The following GMDS variants were observed in gnomAD, a reference collection of about 807,000 sequenced individuals.
GMDS encodes the protein GDP-mannose 4,6-dehydratase.
In GMDS, 20 loss-of-function variants were observed where a neutral mutation model predicts 49.9. That is an observed-to-expected ratio of 0.40 (90% CI 0.28 to 0.58). GMDS has a LOEUF of 0.58. GMDS is among the 20% of genes least tolerant of loss of function. The pLI is 0.42. For missense variants in GMDS, 362 were observed against 481.4 expected (o/e 0.75, Z 2.32); for synonymous variants, 177 against 178.6 (o/e 0.99, Z 0.07).
intron 4 of GMDS, among the ~76,000 whole-genome samples, chr6:1,990,063 A>G (rs1581473208): frequency 6.6e-6 from 1 of 152,218 alleles, no homozygotes; most frequent in East Asian, 1.9e-4. Context: ...TTGGGAGGCC[A>G]AGGCGGGTGG....
At chr6:2,009,283 A>G (rs917303527) in intron 4 of GMDS, among the ~76,000 whole-genome samples, 1 of 152,214 alleles carries the variant, frequency 6.6e-6, no homozygotes, top group African/African-American at 2.4e-5. Context: ...CTCAACAGTG[A>G]AACAGGCTCC....
chr6:2,238,049 T>C (rs756996580), intron 1 of GMDS, among the ~76,000 whole-genome samples: 8 of 152,144 alleles, frequency 5.3e-5, no homozygotes, highest in Admixed American at 5.2e-4. Flanking sequence ...CCTTTAGGAC[T>C]TGCCCACTCT....
chr6:1,800,951 G>T (rs1769925826), intron 7 of GMDS, among the ~76,000 whole-genome samples: 1 of 152,204 alleles, frequency 6.6e-6, no homozygotes, highest in Non-Finnish European at 1.5e-5. Flanking sequence ...GCGAACTCTG[G>T]TTATTGGTGA....
intron 7 of GMDS, among the ~76,000 whole-genome samples, chr6:1,762,405 A>T (rs754695951): frequency 2.6e-5 from 4 of 152,264 alleles, no homozygotes; most frequent in Non-Finnish European, 4.4e-5. Flanking sequence ...AGGAGTGAGC[A>T]GTCCCAGAGC....
At chr6:1,757,591 A>G (rs1014544942) in intron 7 of GMDS, among the ~76,000 whole-genome samples, 1 of 152,304 alleles carries the variant, frequency 6.6e-6, no homozygotes, top group Non-Finnish European at 1.5e-5. Flanking sequence ...CAAGCTAGTC[A>G]TCCTGAGCAC....
At chr6:1,998,493 A>C (rs1315304257) in intron 4 of GMDS, among the ~76,000 whole-genome samples, 2 of 152,208 alleles carry the variant, frequency 1.3e-5, no homozygotes, top group African/African-American at 4.8e-5. Flanking sequence ...TCTGAGGAAA[A>C]GGATTATAAC....
chr6:2,010,599 TGA>T (rs1767501002), intron 4 of GMDS, among the ~76,000 whole-genome samples: 1 of 151,994 alleles, frequency 6.6e-6, no homozygotes, highest in African/African-American at 2.4e-5. Context: ...AAACAAGAGC[TGA>T]AAAAATTCAC....
chr6:2,008,412 AAT>A (rs1420826855), intron 4 of GMDS, among the ~76,000 whole-genome samples: 1 of 152,184 alleles, frequency 6.6e-6, no homozygotes, highest in Non-Finnish European at 1.5e-5. Context: ...CTGTGGAGTT[AAT>A]ATGTTATGGC....
intron 4 of GMDS, among the ~76,000 whole-genome samples, chr6:2,072,227 G>A (rs554792024): frequency 6.6e-6 from 1 of 152,188 alleles, no homozygotes; most frequent in Non-Finnish European, 1.5e-5. Flanking sequence ...AAAAACTTTT[G>A]TTTCTACAAT....
chr6:2,082,180 A>G (rs919365934), intron 4 of GMDS, among the ~76,000 whole-genome samples: 9 of 152,158 alleles, frequency 5.9e-5, no homozygotes, highest in Non-Finnish European at 8.8e-5. Flanking sequence ...ACGTGTGCGC[A>G]CACACACACA....
rs13211678 is a variant in GMDS at position 1,897,988 on chromosome 6, C to G, written c.771+32115G>C. Among the ~76,000 whole-genome samples, 29 of 112,120 alleles carry G rather than the reference C, an allele frequency of 2.6e-4. 1 individual carries two copies. Among genetic ancestry groups the G allele is most frequent in the African/African-American group, 6.9e-4 (22 of 32,004 alleles). 73.6% of individuals were successfully genotyped at this position (112,120 alleles called of 152,430 possible). On this transcript the variant is annotated intron_variant, in intron 7 of 10. Coordinates refer to ENST00000380815, the MANE Select transcript of GMDS (RefSeq NM_001500.4). The stretch of plus-strand genomic sequence containing the variant: ...ATCCTGGACACCTACCCTGGCCTCC[C>G]TTGCCATCCTGGACACCTACCCTGG...
At chr6:1,706,235 G>T (rs926143676) in intron 9 of GMDS, among the ~76,000 whole-genome samples, 1 of 152,124 alleles carries the variant, frequency 6.6e-6, no homozygotes, top group Admixed American at 6.5e-5. Flanking sequence ...GCACCATCGC[G>T]GCACAGCTGA....
At chr6:1,984,214 C>T (rs1581463453) in intron 4 of GMDS, among the ~76,000 whole-genome samples, 1 of 152,064 alleles carries the variant, frequency 6.6e-6, no homozygotes, top group East Asian at 1.9e-4. Context: ...ACACTGGGGC[C>T]TGTCAGAGGG....
At chr6:1,803,844 A>G (rs1770052000) in intron 7 of GMDS, among the ~76,000 whole-genome samples, 1 of 152,140 alleles carries the variant, frequency 6.6e-6, no homozygotes, top group Non-Finnish European at 1.5e-5. Context: ...GTTCAGAAGT[A>G]AAAAATGGAC....
At chr6:2,021,987 A>T (rs1412070469) in intron 4 of GMDS, among the ~76,000 whole-genome samples, 1 of 152,200 alleles carries the variant, frequency 6.6e-6, no homozygotes, top group Non-Finnish European at 1.5e-5. Context: ...CCTTTGTGTA[A>T]TCCTAATAAG....
At chr6:2,242,568 GCCC>G (rs1781660774) in intron 1 of GMDS, among the ~76,000 whole-genome samples, 1 of 152,222 alleles carries the variant, frequency 6.6e-6, no homozygotes, top group East Asian at 1.9e-4. Context: ...TGCCATGATA[GCCC>G]CAAGTGCCAG....
intron 1 of GMDS, among the ~76,000 whole-genome samples, chr6:2,130,753 T>C (rs1338108448): frequency 1.3e-5 from 2 of 151,368 alleles, no homozygotes; most frequent in Non-Finnish European, 3.0e-5. Context: ...ATTAGTTTGA[T>C]AAGAAAAAAA....
chr6:1,733,160 A>G (rs1025109756), intron 8 of GMDS, among the ~76,000 whole-genome samples: 1 of 152,208 alleles, frequency 6.6e-6, no homozygotes, highest in Non-Finnish European at 1.5e-5. Flanking sequence ...CTGCACCACC[A>G]CAGAAGCCAC....
intron 1 of GMDS, among the ~76,000 whole-genome samples, chr6:2,141,865 G>GCTCTCTCTCTCT (rs67628075): frequency 4.2e-4 from 61 of 145,592 alleles, no homozygotes; most frequent in Non-Finnish European, 5.1e-4. Context: ...GGTTGTGCGT[G>GCTCTCTCTCTCT]CTCTCTCTCT....
Sources: gnomAD v4.1 joint callset for allele counts (sites outside exome capture counted in the v4.1 genomes callset) on GRCh38, gnomAD v4.1.1 for gene constraint, MANE v1.5 for transcripts, NCBI Gene and HGNC (gene_info 2026-07-23, HGNC 2026-07-21) for gene names.